The following SPOCK3 variants were observed in gnomAD, a reference collection of about 807,000 sequenced individuals.
SPOCK3 encodes SPARC (osteonectin), cwcv and kazal like domains proteoglycan 3.
In SPOCK3, 30 loss-of-function variants were observed where a neutral mutation model predicts 56.6. The ratio of observed to expected loss-of-function variants is 0.53; its 90% CI spans 0.40 to 0.72. The LOEUF (loss-of-function observed/expected upper bound fraction) is 0.72. SPOCK3 is among the 30% of genes least tolerant of loss of function. The pLI is 0.00. For missense variants in SPOCK3, 527 were observed against 530.0 expected, an observed-to-expected ratio of 0.99 and a Z score of 0.06; for synonymous variants, 196 against 183.3, an observed-to-expected ratio of 1.07 and a Z score of -0.56.
At chr4:166,999,881 C>T (rs1308093852) in intron 4 of SPOCK3, among the ~76,000 whole-genome samples, 2 of 152,092 alleles carry the variant, frequency 1.3e-5, no homozygotes, top group Non-Finnish European at 2.9e-5. Flanking sequence ...GTATGAGTGA[C>T]CCCTAAAGAA....
At chr4:167,026,094 GT>G (rs1346854899) in intron 3 of SPOCK3, among the ~76,000 whole-genome samples, 1 of 152,062 alleles carries the variant, frequency 6.6e-6, no homozygotes, top group Non-Finnish European at 1.5e-5. Flanking sequence ...CAGCTCCATT[GT>G]TTTCTTATGG....
chr4:167,002,840 A>G (rs1749081192), intron 3 of SPOCK3, among the ~76,000 whole-genome samples: 1 of 152,198 alleles, frequency 6.6e-6, no homozygotes, highest in Non-Finnish European at 1.5e-5. Flanking sequence ...TGTTTAGCCT[A>G]TGTTGATGTC....
intron 6 of SPOCK3, among the ~76,000 whole-genome samples, chr4:166,872,055 TACAC>T (rs375568982): frequency 6.6e-4 from 98 of 148,996 alleles, no homozygotes; most frequent in Non-Finnish European, 1.0e-3. Context: ...CACACAAACA[TACAC>T]ACACACACAC....
intron 6 of SPOCK3, among the ~76,000 whole-genome samples, chr4:166,842,614 G>A (rs1747558328): frequency 6.6e-6 from 1 of 152,060 alleles, no homozygotes; most frequent in South Asian, 2.1e-4. Context: ...AGACATAAAG[G>A]TTTTCCAAGT....
rs142196840 is a variant in SPOCK3 at position 166,787,091 on chromosome 4, A to C, written c.709+5079T>G. 6.4e-4 allele frequency among the ~76,000 whole-genome samples: 97 copies of C among 152,304 alleles called. 1 individual carries two copies. Among genetic ancestry groups the C allele is most frequent in the African/African-American group, 2.2e-3 (93 of 41,570 alleles). ...CAAACAGATGTAAATATTGAGAATTAGTTTTTAAGAAACTATATATTCTAT... is the reference window on the plus strand; with the variant it reads ...CAAACAGATGTAAATATTGAGAATTCGTTTTTAAGAAACTATATATTCTAT... On this transcript the variant is annotated intron_variant, in intron 7 of 10. Transcript: ENST00000357545.
At chr4:166,737,631 AAC>A in intron 9 of SPOCK3, 27 bp from the exon 10 acceptor site, 3 of 1,593,232 alleles carry the variant, frequency 1.9e-6, no homozygotes, top group South Asian at 1.1e-5. Flanking sequence ...CAGGCATACA[AAC>A]ACACACATGT....
intron 6 of SPOCK3, among the ~76,000 whole-genome samples, chr4:166,853,472 T>G (rs916855524): frequency 6.6e-6 from 1 of 152,194 alleles, no homozygotes; most frequent in African/African-American, 2.4e-5. Flanking sequence ...AAACAACTAT[T>G]CAAGGTCACA....
intron 2 of SPOCK3, chr4:167,119,930 A>G: frequency 1.7e-6 from 2 of 1,174,302 alleles, no homozygotes; most frequent in Non-Finnish European, 2.3e-6. Context: ...GAAAGAAAAG[A>G]ATAAACCCCT....
intron 2 of SPOCK3, among the ~76,000 whole-genome samples, chr4:167,124,453 A>G (rs147843902): frequency 1.4e-3 from 210 of 152,234 alleles, no homozygotes; most frequent in African/African-American, 4.8e-3. Flanking sequence ...AGATATTTTC[A>G]TCTCAGTTAA....
chr4:166,904,246 T>C (rs77846954), intron 5 of SPOCK3, among the ~76,000 whole-genome samples: 4,424 of 152,066 alleles, frequency 0.029, 185 homozygotes, highest in African/African-American at 0.09. Context: ...TGTATGTTAG[T>C]GTATGTTATA....
intron 6 of SPOCK3, among the ~76,000 whole-genome samples, chr4:166,818,693 C>T (rs1263970341): frequency 3.3e-5 from 5 of 151,930 alleles, no homozygotes; most frequent in South Asian, 2.1e-4. Context: ...GCACCTAAGA[C>T]TTGTACTTCT....
intron 3 of SPOCK3, among the ~76,000 whole-genome samples, chr4:167,015,279 A>C (rs1460671289): frequency 6.6e-6 from 1 of 152,110 alleles, no homozygotes; most frequent in Non-Finnish European, 1.5e-5. Flanking sequence ...GGGTTTCACT[A>C]CTGGAATCTA....
chr4:166,973,481 C>T (rs1270537112), intron 4 of SPOCK3, among the ~76,000 whole-genome samples: 2 of 151,978 alleles, frequency 1.3e-5, no homozygotes, highest in Non-Finnish European at 2.9e-5. Flanking sequence ...CACCTCTTAG[C>T]TAAATAGAAA....
chr4:167,152,960 T>C (rs1764537919), intron 2 of SPOCK3, among the ~76,000 whole-genome samples: 1 of 152,242 alleles, frequency 6.6e-6, no homozygotes, highest in African/African-American at 2.4e-5. Context: ...TTGGATATTT[T>C]AACAATTACC....
chr4:167,156,306 T>C (rs1764814731), intron 2 of SPOCK3, among the ~76,000 whole-genome samples: 1 of 152,120 alleles, frequency 6.6e-6, no homozygotes, highest in African/African-American at 2.4e-5. Flanking sequence ...GATAATTCTG[T>C]TTCATAACTC....
intron 4 of SPOCK3, among the ~76,000 whole-genome samples, chr4:166,976,160 T>C (rs1399319089): frequency 6.7e-6 from 1 of 148,658 alleles, no homozygotes; most frequent in East Asian, 2.0e-4. Flanking sequence ...CCAAGAAAAA[T>C]GTCTGTTCCT....
intron 6 of SPOCK3, among the ~76,000 whole-genome samples, chr4:166,797,087 G>A (rs565429511): frequency 6.6e-6 from 1 of 151,768 alleles, no homozygotes; most frequent in Admixed American, 6.6e-5. Context: ...GGAGTAAGGA[G>A]GATTTATTAC....
chr4:167,096,723 G>GT (rs1023609145), intron 2 of SPOCK3, among the ~76,000 whole-genome samples: 13 of 151,710 alleles, frequency 8.6e-5, no homozygotes, highest in Non-Finnish European at 1.3e-4. Context: ...AGAAGAATGT[G>GT]TTTTTTTGCT....
intron 4 of SPOCK3, among the ~76,000 whole-genome samples, chr4:166,920,545 T>C (rs983329571): frequency 3.9e-5 from 6 of 152,212 alleles, no homozygotes; most frequent in Non-Finnish European, 8.8e-5. Flanking sequence ...TTAACTAGCT[T>C]ACAGTGTCAG....
Sources: gnomAD v4.1 joint callset for allele counts (sites outside exome capture counted in the v4.1 genomes callset) on GRCh38, gnomAD v4.1.1 for gene constraint, MANE v1.5 for transcripts, NCBI Gene and HGNC (gene_info 2026-07-23, HGNC 2026-07-21) for gene names.